Variants in CSMD1 observed in about 807,000 individuals in gnomAD.
The protein encoded by CSMD1 is CUB and sushi domain-containing protein 1.
A neutral mutation model predicts 417.5 loss-of-function variants in CSMD1; 213 were observed. The ratio of observed to expected loss-of-function variants is 0.51; its 90% CI spans 0.46 to 0.57. CSMD1 has a LOEUF of 0.57. CSMD1 is among the 20% of genes least tolerant of loss of function. The pLI is 0.00. For missense variants in CSMD1, 6,923 were observed against 4,529.7 expected (o/e 1.53, Z -15.17); for synonymous variants, 2,862 against 1,736.8 (o/e 1.65, Z -16.11).
chr8:3,097,307 G>A (rs1815381926), intron 46 of CSMD1, among the ~76,000 whole-genome samples: 2 of 152,156 alleles, frequency 1.3e-5, no homozygotes, highest in Non-Finnish European at 2.9e-5. Context: ...TGGGGCAGAT[G>A]CATCCTGGAT....
intron 7 of CSMD1, among the ~76,000 whole-genome samples, chr8:3,708,147 C>CT (rs1801284651): frequency 6.6e-6 from 1 of 152,128 alleles, no homozygotes; most frequent in Non-Finnish European, 1.5e-5. Flanking sequence ...GTCACATATA[C>CT]TTAAGAGAGA....
At chr8:3,741,848 C>G (rs1032113147) in intron 6 of CSMD1, among the ~76,000 whole-genome samples, 1 of 152,150 alleles carries the variant, frequency 6.6e-6, no homozygotes, top group Non-Finnish European at 1.5e-5. Flanking sequence ...TCGGCTTTAG[C>G]AAACTCTTGT....
chr8:3,223,916 G>A (rs771478066), intron 27 of CSMD1, 49 bp from the exon 28 acceptor site: 4 of 1,592,470 alleles, frequency 2.5e-6, no homozygotes, highest in Non-Finnish European at 2.6e-6. Flanking sequence ...AGCGAAGAAC[G>A]CCTGCCAGTC....
intron 2 of CSMD1, among the ~76,000 whole-genome samples, chr8:4,447,732 C>T (rs1337726957): frequency 6.6e-6 from 1 of 152,084 alleles, no homozygotes; most frequent in African/African-American, 2.4e-5. Flanking sequence ...AATTAAGTCT[C>T]CAAATTAAGA....
At chr8:4,674,963 G>T (rs930767496) in intron 1 of CSMD1, among the ~76,000 whole-genome samples, 1 of 152,148 alleles carries the variant, frequency 6.6e-6, no homozygotes, top group Admixed American at 6.6e-5. Flanking sequence ...CTCCATGAGA[G>T]GACACGGTGA....
chr8:4,884,909 G>T (rs1011637613), intron 1 of CSMD1, among the ~76,000 whole-genome samples: 1 of 151,992 alleles, frequency 6.6e-6, no homozygotes, highest in Non-Finnish European at 1.5e-5. Context: ...CATAGATATA[G>T]GTATTGCATT....
At position 2,937,541 on chromosome 8, in the gene CSMD1, GT is replaced by G. The variant is rs1801573574; in HGVS notation, c.*1043del. The G allele has an allele frequency of 6.6e-6, 1 of 151,662 alleles. No homozygotes were observed. Among genetic ancestry groups the G allele is most frequent in the Non-Finnish European group, 1.5e-5 (1 of 67,972 alleles). 9.4% of individuals were successfully genotyped at this position (151,662 alleles called of 1,614,324 possible). Reference sequence around the variant, plus strand: ...TATCTAAAATAAATTACTATTCACAGTTTTACATGGCAAACAGAAATTTCTG... The same window carrying G: ...TATCTAAAATAAATTACTATTCACAGTTTACATGGCAAACAGAAATTTCTG... On this transcript the variant is annotated 3_prime_UTR_variant, in exon 70 of 70. Transcript: ENST00000635120.
chr8:4,880,045 A>G (rs1474828616), intron 1 of CSMD1, among the ~76,000 whole-genome samples: 1 of 152,106 alleles, frequency 6.6e-6, no homozygotes, highest in East Asian at 1.9e-4. Context: ...TTTTGGCTTT[A>G]AAAGTAATCT....
At chr8:4,454,214 A>G (rs1325950144) in intron 2 of CSMD1, among the ~76,000 whole-genome samples, 1 of 151,878 alleles carries the variant, frequency 6.6e-6, no homozygotes, top group African/African-American at 2.4e-5. Flanking sequence ...GTGTCTCCTT[A>G]TCCACCCCCA....
chr8:4,525,730 G>C (rs1013483518), intron 2 of CSMD1, among the ~76,000 whole-genome samples: 1 of 152,094 alleles, frequency 6.6e-6, no homozygotes, highest in African/African-American at 2.4e-5. Flanking sequence ...GTGTCACCTC[G>C]TCATCACATG....
intron 1 of CSMD1, among the ~76,000 whole-genome samples, chr8:4,904,556 C>A (rs1421355197): frequency 6.6e-6 from 1 of 152,014 alleles, no homozygotes. Context: ...ACACATGGAG[C>A]CACAGAATAT....
chr8:3,667,835 T>C (rs1384857295), intron 7 of CSMD1, among the ~76,000 whole-genome samples: 3 of 152,158 alleles, frequency 2.0e-5, no homozygotes, highest in Non-Finnish European at 4.4e-5. Context: ...GCAGGCATCC[T>C]GGAGTGTCTG....
intron 7 of CSMD1, among the ~76,000 whole-genome samples, chr8:3,641,255 G>A (rs1180800929): frequency 6.6e-6 from 1 of 152,050 alleles, no homozygotes; most frequent in East Asian, 1.9e-4. Context: ...GGGTCCCTGA[G>A]CAAATCCAGG....
intron 3 of CSMD1, among the ~76,000 whole-genome samples, chr8:4,104,014 G>A (rs189494091): frequency 1.5e-3 from 226 of 152,300 alleles, no homozygotes; most frequent in Non-Finnish European, 2.4e-3. Context: ...CACCTGCACA[G>A]GCCTGTCCCT....
Position 3,982,972 on chromosome 8 carries a change from C to T in CSMD1, c.818+14931G>A, listed in dbSNP as rs74500719. On this transcript the variant is annotated intron_variant, in intron 5 of 69. Coordinates refer to ENST00000635120, the MANE Select transcript of CSMD1 (RefSeq NM_033225.6). Reference sequence around the variant, plus strand: ...AAAACAAAACAAACAAACAAACAAACGACAAATAGGGCCCCTAGAGCTAGT... The same window carrying T: ...AAAACAAAACAAACAAACAAACAAATGACAAATAGGGCCCCTAGAGCTAGT... Among the ~76,000 whole-genome samples the T allele has an allele frequency of 4.2e-3, 646 of 152,082 alleles. 3 individuals are homozygous for T. The highest frequency in any genetic ancestry group is 0.015 in the African/African-American group (616 of 41,446).
intron 7 of CSMD1, among the ~76,000 whole-genome samples, chr8:3,619,054 G>A (rs147238783): frequency 3.9e-5 from 6 of 152,096 alleles, no homozygotes; most frequent in Admixed American, 3.3e-4. Flanking sequence ...ACTGCAGCAA[G>A]ATTGCAAACC....
chr8:3,094,130 G>C (rs1172821932), intron 47 of CSMD1, among the ~76,000 whole-genome samples: 3 of 150,924 alleles, frequency 2.0e-5, no homozygotes, highest in Non-Finnish European at 4.4e-5. Context: ...TTTTGAGACA[G>C]AGTTTTGCTC....
At chr8:4,720,848 G>A (rs1027196792) in intron 1 of CSMD1, among the ~76,000 whole-genome samples, 1 of 152,184 alleles carries the variant, frequency 6.6e-6, no homozygotes, top group Admixed American at 6.5e-5. Flanking sequence ...AAGTCTAGAA[G>A]CCAAGGGAAA....
intron 9 of CSMD1, among the ~76,000 whole-genome samples, chr8:3,581,758 C>G (rs1162533292): frequency 6.6e-6 from 1 of 152,048 alleles, no homozygotes; most frequent in Non-Finnish European, 1.5e-5. Flanking sequence ...CCTTTAGAGG[C>G]TAAGAATGAA....
Sources: allele counts gnomAD v4.1 joint callset (sites outside exome capture counted in the v4.1 genomes callset), GRCh38; gene constraint gnomAD v4.1.1; transcripts MANE v1.5; gene names NCBI Gene and HGNC (gene_info 2026-07-23, HGNC 2026-07-21).